DOP1A: variants seen among roughly 807,000 people sequenced by gnomAD.
DOP1A encodes the protein protein DOP1A.
A neutral mutation model predicts 267.6 loss-of-function variants in DOP1A; 90 were observed. The ratio of observed to expected loss-of-function variants is 0.34; its 90% CI spans 0.28 to 0.40. The LOEUF (loss-of-function observed/expected upper bound fraction) is 0.40. DOP1A is among the 10% of genes least tolerant of loss of function. DOP1A has a pLI of 1.00. For synonymous variants in DOP1A, 932 were observed against 999.1 expected (o/e 0.93, Z 1.27); for missense variants, 2,437 against 2,900.4 (o/e 0.84, Z 3.67).
At chr6:83,117,521 G>A (rs777652136) in intron 7 of DOP1A, among the ~76,000 whole-genome samples, 27 of 152,130 alleles carry the variant, frequency 1.8e-4, no homozygotes, top group Non-Finnish European at 3.7e-4. Flanking sequence ...CTCAAAGGTT[G>A]ATACTTATTT....
intron 1 of DOP1A, among the ~76,000 whole-genome samples, chr6:83,083,193 C>A (rs1768446463): frequency 6.6e-6 from 1 of 152,066 alleles, no homozygotes; most frequent in African/African-American, 2.4e-5. Flanking sequence ...ATTTTAAACA[C>A]TATCAGTATT....
chr6:83,159,021 T>C (rs1208428181), intron 36 of DOP1A, among the ~76,000 whole-genome samples: 1 of 152,194 alleles, frequency 6.6e-6, no homozygotes, highest in Non-Finnish European at 1.5e-5. Flanking sequence ...ACTTTTATTC[T>C]TTTTAATAGA....
chr6:83,137,063 T>C, intron 20 of DOP1A, 110 bp from the exon 21 acceptor site: 1 of 1,038,104 alleles, frequency 9.6e-7, no homozygotes, highest in Non-Finnish European at 1.3e-6. Context: ...AAAATATAAG[T>C]AGATGATGAC....
chr6:83,134,241 G>A lies in DOP1A; in HGVS notation c.2824G>A (p.Asp942Asn). The change falls in exon 19 of 39, where the codon GAT becomes AAT. Residue 942 changes from aspartate (D) to asparagine (N), a missense_variant. By Grantham distance (23) the Asp-to-Asn change is conservative. This residue lies in a region of DOP1A where 878 missense variants were observed against 992.9 expected (regional missense o/e 0.88). Transcript: ENST00000349129. ...KFAVLWHLTRDLHINKSSSFV... is the reference protein window; with the variant it reads ...KFAVLWHLTRNLHINKSSSFV... ...TGCAGTTCTTTGGCATCTAACGAGA[G>A]ATCTCCATATAAATAAATCTTCATC... 1.2e-6 allele frequency: 2 copies of A among 1,612,912 alleles called. No individual in the cohort carries two copies. The highest frequency in any genetic ancestry group is 1.7e-5 in the Admixed American group (1 of 59,926).
chr6:83,093,867 C>T (rs1364491596), intron 1 of DOP1A, among the ~76,000 whole-genome samples: 2 of 152,206 alleles, frequency 1.3e-5, no homozygotes, highest in Non-Finnish European at 2.9e-5. Flanking sequence ...GATGGCGCCA[C>T]TGCACTCCAG....
At chr6:83,164,476 A>AC (rs887526249) in intron 38 of DOP1A, among the ~76,000 whole-genome samples, 8 of 151,178 alleles carry the variant, frequency 5.3e-5, no homozygotes, top group African/African-American at 7.3e-5. Flanking sequence ...TTTTTATAAG[A>AC]CCCCCCTCCT....
chr6:83,156,198 T>C (rs902243613), intron 34 of DOP1A, 95 bp downstream of exon 34: 11 of 984,254 alleles, frequency 1.1e-5, no homozygotes, highest in South Asian at 1.7e-5. Flanking sequence ...GTAAAATATA[T>C]CAAGTGTAGA....
At position 83,142,267 on chromosome 6, in the gene DOP1A, T is replaced by G. The variant is rs183792349; in HGVS notation, c.5541+221T>G. ...GCTCACACCTGTAATCCCAGCACTT[T>G]GGGAGGCCGAGGAGGGCGGATCATG... On this transcript the variant is annotated intron_variant, in intron 24 of 38. Transcript: ENST00000349129. 5.4e-3 allele frequency among the ~76,000 whole-genome samples: 819 copies of G among 152,220 alleles called. 10 individuals are homozygous for G. Among genetic ancestry groups the G allele is most frequent in the African/African-American group, 0.019 (782 of 41,536 alleles).
At chr6:83,122,831 T>G (rs760019120) in intron 11 of DOP1A, 32 bp from the exon 12 acceptor site, 4 of 1,394,096 alleles carry the variant, frequency 2.9e-6, no homozygotes, top group Non-Finnish European at 3.8e-6. Flanking sequence ...GTTAATATTT[T>G]TTAGTTTTTG....
chr6:83,158,650 T>A, intron 36 of DOP1A, 28 bp downstream of exon 36: 3 of 1,537,364 alleles, frequency 2.0e-6, no homozygotes, highest in Non-Finnish European at 1.8e-6. Context: ...TATATTGTTG[T>A]CCATTTTTTA....
intron 17 of DOP1A, among the ~76,000 whole-genome samples, chr6:83,131,239 G>C (rs910342797): frequency 2.7e-5 from 4 of 149,964 alleles, no homozygotes; most frequent in African/African-American, 7.4e-5. Flanking sequence ...ATCTTAAGCA[G>C]GTAGACTGTA....
chr6:83,125,520 G>C lies in DOP1A; in HGVS notation c.1506G>C (p.Gln502His). 1 of 1,613,528 alleles carries C rather than the reference G, an allele frequency of 6.2e-7. No homozygotes were observed. The highest frequency in any genetic ancestry group is 8.5e-7 in the Non-Finnish European group (1 of 1,179,714). The part of the protein sequence containing the change: ...VLCQETYIEI[Q>H]TEHLPQLLLR... Reference sequence around the variant, plus strand: ...TTCAGGAGACTTACATTGAAATCCAGACAGAACACTTGCCCCAGTTGCTGC... The same window carrying C: ...TTCAGGAGACTTACATTGAAATCCACACAGAACACTTGCCCCAGTTGCTGC... Residue 502 changes from glutamine to histidine, a missense_variant, in exon 15 of 39, where the codon CAG (glutamine) becomes CAC (histidine). Coordinates refer to ENST00000349129, the MANE Select transcript of DOP1A (RefSeq NM_015018.4).
At chr6:83,098,779 G>A (rs979437735) in intron 3 of DOP1A, among the ~76,000 whole-genome samples, 1 of 152,156 alleles carries the variant, frequency 6.6e-6, no homozygotes, top group Admixed American at 6.5e-5. Context: ...GACTTCATTG[G>A]ATAGGCATGA....
chr6:83,165,768 T>C (rs1240538494), intron 38 of DOP1A: 2 of 246,714 alleles, frequency 8.1e-6, no homozygotes, highest in Admixed American at 8.0e-5. Context: ...AAGCGTTGGT[T>C]GTGCAACGTG....
chr6:83,072,377 C>G (rs1785773805), intron 1 of DOP1A, among the ~76,000 whole-genome samples: 1 of 151,664 alleles, frequency 6.6e-6, no homozygotes, highest in African/African-American at 2.4e-5. Context: ...TGCTACTCAC[C>G]AAGAGGTCAG....
intron 1 of DOP1A, among the ~76,000 whole-genome samples, chr6:83,071,102 C>G (rs1478280247): frequency 6.6e-6 from 1 of 152,152 alleles, no homozygotes; most frequent in Non-Finnish European, 1.5e-5. Flanking sequence ...AAAACTTGCC[C>G]TTTGTTTAAA....
chr6:83,075,149 A>G lies in DOP1A; in HGVS notation c.-147+7370A>G, dbSNP rs1190889515. Among the ~76,000 whole-genome samples the G allele has an allele frequency of 2.0e-5, 3 of 152,172 alleles. No individual in the cohort carries two copies. The South Asian group carries it at 6.2e-4, about 32-fold the overall frequency. On this transcript the variant is annotated intron_variant, in intron 1 of 38. Transcript: ENST00000349129. ...ATTCTGTGCCTTGCTTCTTTTAGTTAATATATGTTAGCACTTTAAAAATCA... is the reference window on the plus strand; with the variant it reads ...ATTCTGTGCCTTGCTTCTTTTAGTTGATATATGTTAGCACTTTAAAAATCA...
intron 18 of DOP1A, among the ~76,000 whole-genome samples, chr6:83,132,810 G>A (rs926065168): frequency 2.0e-5 from 3 of 152,106 alleles, no homozygotes; most frequent in African/African-American, 7.2e-5. Flanking sequence ...GTATCCTAAT[G>A]TATATGAAGT....
chr6:83,090,390 C>T (rs1160819317), intron 1 of DOP1A, among the ~76,000 whole-genome samples: 2 of 152,144 alleles, frequency 1.3e-5, no homozygotes, highest in African/African-American at 4.8e-5. Flanking sequence ...CGTCTACTGC[C>T]TGTCTTTTCA....
Sources: gnomAD v4.1 joint callset for allele counts (sites outside exome capture counted in the v4.1 genomes callset) on GRCh38, gnomAD v4.1.1 for gene constraint, gnomAD v4.1.1 regional missense constraint, MANE v1.5 for transcripts, NCBI Gene and HGNC (gene_info 2026-07-23, HGNC 2026-07-21) for gene names.